The following MRTFB variants were observed in gnomAD, a reference collection of about 807,000 sequenced individuals.
The protein encoded by MRTFB is myocardin-related transcription factor B.
A neutral mutation model predicts 104.2 loss-of-function variants in MRTFB; 29 were observed. That is an observed-to-expected ratio of 0.28 (90% CI 0.21 to 0.38). MRTFB has a LOEUF of 0.38. Among genes scored for constraint, MRTFB ranks in the 10% least tolerant of loss-of-function variants. The probability of loss-of-function intolerance (pLI) is 1.00; values close to 1 mark genes in which losing one functional copy is unlikely to be tolerated. For synonymous variants in MRTFB, 535 were observed against 519.5 expected (o/e 1.03, Z -0.41); for missense variants, 1,270 against 1,341.6 (o/e 0.95, Z 0.83).
At chr16:14,012,233 C>CTT in the MRTFB span, among the ~76,000 whole-genome samples, 44 of 127,788 alleles carry the variant, frequency 3.4e-4, no homozygotes, top group African/African-American at 6.5e-4. Context: ...TCTTTTTTTT[C>CTT]TTTTTTTTTT....
the MRTFB span, among the ~76,000 whole-genome samples, chr16:14,057,094 T>C: frequency 2.0e-5 from 3 of 152,150 alleles, no homozygotes; most frequent in Admixed American, 6.6e-5. Flanking sequence ...GACATCACGG[T>C]CCTTCCTACT....
chr16:14,199,247 GCCTT>G (rs1455442704), intron 3 of MRTFB, among the ~76,000 whole-genome samples: 1 of 152,146 alleles, frequency 6.6e-6, no homozygotes, highest in Non-Finnish European at 1.5e-5. Context: ...AGCTTCCTCT[GCCTT>G]CCTTTGTTGG....
Position 14,084,521 on chromosome 16 carries a change from C to T in MRTFB, c.-64+5167C>T, listed in dbSNP as rs143882889. ...TGCCACTGCACTCCAGCCGGGGTGA[C>T]AGAGTGAGACTCTGTCTTGAAAAAA... On this transcript the variant is annotated intron_variant, in intron 2 of 16. Coordinates refer to ENST00000571589, the MANE Select transcript of MRTFB (RefSeq NM_001308142.2). Among the ~76,000 whole-genome samples, 10 of 152,158 alleles carry T rather than the reference C, an allele frequency of 6.6e-5. 1 individual carries two copies. The East Asian group carries it at 1.5e-3, about 24-fold the overall frequency.
At position 14,198,977 on chromosome 16, in the gene MRTFB, C is replaced by G. The variant is rs142671225; in HGVS notation, c.155-11266C>G. On this transcript the variant is annotated intron_variant, in intron 3 of 16. Coordinates refer to ENST00000571589, the MANE Select transcript of MRTFB (RefSeq NM_001308142.2). ...TCTTTTGCTCTTCATCAATTATAAA[C>G]TTGCTCAATTATTTTCCAACTTCAA... Among the ~76,000 whole-genome samples the G allele has an allele frequency of 2.0e-3, 307 of 152,236 alleles. 1 individual carries two copies. Among genetic ancestry groups the G allele is most frequent in the African/African-American group, 6.8e-3 (283 of 41,538 alleles).
intron 5 of MRTFB, among the ~76,000 whole-genome samples, 169 bp from the exon 6 acceptor site, chr16:14,213,376 A>G (rs1242860650): frequency 1.3e-5 from 2 of 152,250 alleles, no homozygotes; most frequent in East Asian, 3.8e-4. Flanking sequence ...TGAAGGCTAC[A>G]GTTTAAATCA....
chr16:14,217,089 A>T, intron 6 of MRTFB, 37 bp from the exon 7 acceptor site: 2 of 1,563,430 alleles, frequency 1.3e-6, no homozygotes, highest in African/African-American at 2.7e-5. Context: ...AGAAATAGTA[A>T]TTCGAGTAAT....
At chr16:14,034,886 C>T in the MRTFB span, among the ~76,000 whole-genome samples, 1 of 152,140 alleles carries the variant, frequency 6.6e-6, no homozygotes, top group African/African-American at 2.4e-5. Flanking sequence ...GGAAGGAAGG[C>T]CCCACCACCC....
intron 2 of MRTFB, among the ~76,000 whole-genome samples, chr16:14,126,427 A>G (rs2037114353): frequency 6.6e-6 from 1 of 152,202 alleles, no homozygotes; most frequent in Non-Finnish European, 1.5e-5. Context: ...GTGTGTCAGA[A>G]CAGTTGGTAG....
chr16:14,254,260 C>T (rs958679467), intron 15 of MRTFB, among the ~76,000 whole-genome samples: 3 of 152,170 alleles, frequency 2.0e-5, no homozygotes, highest in Non-Finnish European at 4.4e-5. Flanking sequence ...AAGGCCCTAC[C>T]GGTTCAATCT....
intron 3 of MRTFB, among the ~76,000 whole-genome samples, chr16:14,169,458 C>T (rs529680757): frequency 1.3e-5 from 2 of 151,858 alleles, no homozygotes; most frequent in South Asian, 2.1e-4. Flanking sequence ...TTTTTAACCT[C>T]GTTTTTGTCT....
chr16:14,168,545 C>T (rs548711218), intron 3 of MRTFB, among the ~76,000 whole-genome samples: 1 of 152,172 alleles, frequency 6.6e-6, no homozygotes, highest in African/African-American at 2.4e-5. Flanking sequence ...TTTTGAGATT[C>T]ATTAATGTTG....
the MRTFB span, among the ~76,000 whole-genome samples, chr16:14,024,997 T>G: frequency 6.6e-6 from 1 of 152,198 alleles, no homozygotes; most frequent in African/African-American, 2.4e-5. Context: ...TTAGGCCATA[T>G]AGCTTTTCCT....
chr16:14,196,494 C>T (rs2040437746), intron 3 of MRTFB, among the ~76,000 whole-genome samples: 2 of 152,178 alleles, frequency 1.3e-5, no homozygotes, highest in South Asian at 4.1e-4. Flanking sequence ...ATTCTGTATA[C>T]TTAATAAGAA....
At chr16:14,144,163 T>G (rs2038170389) in intron 3 of MRTFB, 1 of 152,240 alleles carries the variant, frequency 6.6e-6, no homozygotes, top group Non-Finnish European at 1.5e-5. Context: ...TAAGCCAATG[T>G]GTTTTCTTCA....
chr16:14,258,338 T>C (rs1473850015), intron 16 of MRTFB, among the ~76,000 whole-genome samples, 177 bp downstream of exon 16: 1 of 152,192 alleles, frequency 6.6e-6, no homozygotes, highest in Non-Finnish European at 1.5e-5. Context: ...TATGGCCAGG[T>C]GCGGTGGCTC....
At position 14,258,176 on chromosome 16, in the gene MRTFB, A is replaced by C. The variant is rs777696380; in HGVS notation, c.2764+15A>C. 4 of 1,610,768 alleles carry C rather than the reference A, an allele frequency of 2.5e-6. No homozygotes were observed. In the African/African-American group the frequency reaches 5.3e-5, roughly 22 times the overall value. On this transcript the variant is annotated intron_variant, in intron 16 of 16. Transcript: ENST00000571589. ...TAAGAGTGGAGGTAAGTCAAAAGTC[A>C]CATCAGATCCTCCCAGGAAGTCATC...
At chr16:14,240,177 T>G in intron 9 of MRTFB, 60 bp from the exon 10 acceptor site, 1 of 1,518,678 alleles carries the variant, frequency 6.6e-7, no homozygotes, top group Non-Finnish European at 8.8e-7. Context: ...AGTCACGCAG[T>G]ACAAAAGATT....
intron 2 of MRTFB, among the ~76,000 whole-genome samples, chr16:14,099,969 T>C (rs1409011017): frequency 6.6e-6 from 1 of 152,206 alleles, no homozygotes; most frequent in African/African-American, 2.4e-5. Context: ...CCAGCCATTC[T>C]GCATCTTTTC....
At chr16:14,022,299 T>G in the MRTFB span, among the ~76,000 whole-genome samples, 1 of 152,182 alleles carries the variant, frequency 6.6e-6, no homozygotes, top group Non-Finnish European at 1.5e-5. Flanking sequence ...AATCCCTGAG[T>G]TCTAATTCCT....
Sources: gnomAD v4.1 joint callset for allele counts (sites outside exome capture counted in the v4.1 genomes callset) on GRCh38, gnomAD v4.1.1 for gene constraint, MANE v1.5 for transcripts, NCBI Gene and HGNC (gene_info 2026-07-23, HGNC 2026-07-21) for gene names.